The following MDGA2 variants were observed in gnomAD, a reference collection of about 807,000 sequenced individuals.
MDGA2 encodes the protein MAM domain containing glycosylphosphatidylinositol anchor 2.
In MDGA2, 40 loss-of-function variants were observed where a neutral mutation model predicts 117.8. The ratio of observed to expected loss-of-function variants is 0.34; its 90% CI spans 0.26 to 0.44. MDGA2 has a LOEUF of 0.44. Among genes scored for constraint, MDGA2 ranks in the 20% least tolerant of loss-of-function variants. The pLI, the probability that MDGA2 is intolerant of heterozygous loss-of-function variation, is 1.00. For synonymous variants in MDGA2, 452 were observed against 439.0 expected (o/e 1.03, Z -0.37); for missense variants, 1,123 against 1,250.6 (o/e 0.90, Z 1.54).
At chr14:47,107,515 C>T (rs1014026849) in intron 5 of MDGA2, among the ~76,000 whole-genome samples, 7 of 152,110 alleles carry the variant, frequency 4.6e-5, no homozygotes, top group African/African-American at 1.7e-4. Context: ...TGACATCCAT[C>T]AAGCTCAGCA....
intron 1 of MDGA2, among the ~76,000 whole-genome samples, chr14:47,557,192 CTG>C (rs1355128836): frequency 1.3e-5 from 2 of 152,152 alleles, no homozygotes; most frequent in African/African-American, 2.4e-5. Context: ...CCCAGAATGA[CTG>C]TGTTTCCTGG....
intron 8 of MDGA2, among the ~76,000 whole-genome samples, chr14:46,975,926 A>G (rs1422482466): frequency 2.0e-5 from 3 of 152,062 alleles, no homozygotes; most frequent in Non-Finnish European, 2.9e-5. Flanking sequence ...CACTAATCCG[A>G]TTCTTTACAG....
Position 46,840,212 on chromosome 14 carries a change from CACT to C in MDGA2, c.*1716_*1718del, listed in dbSNP as rs1231863669. 1 of 152,368 alleles carries C rather than the reference CACT, an allele frequency of 6.6e-6. No homozygotes were observed. Among genetic ancestry groups the C allele is most frequent in the African/African-American group, 2.4e-5 (1 of 41,380 alleles). 9.4% of individuals were successfully genotyped at this position (152,368 alleles called of 1,614,324 possible). A position where few individuals can be genotyped will look rare whatever the true frequency, so the allele number is the denominator to read the frequency against. On this transcript the variant is annotated 3_prime_UTR_variant, in exon 17 of 17. Coordinates refer to ENST00000399232, the MANE Select transcript of MDGA2 (RefSeq NM_001113498.3). ...TTAAAAAACAAGCTTTGTCATTTTC[CACT>C]ACATTTTGTTGTGCTTTTATATTAA...
chr14:46,864,430 C>A (rs1252482369), intron 14 of MDGA2, among the ~76,000 whole-genome samples: 1 of 150,192 alleles, frequency 6.7e-6, no homozygotes, highest in Non-Finnish European at 1.5e-5. Context: ...ATTTTAGTTC[C>A]TATAAGTCTG....
chr14:47,316,533 A>C (rs1161656864), intron 1 of MDGA2, among the ~76,000 whole-genome samples: 3 of 152,066 alleles, frequency 2.0e-5, no homozygotes, highest in Non-Finnish European at 4.4e-5. Context: ...TAACTTGTTT[A>C]ATTAAGTACT....
intron 2 of MDGA2, among the ~76,000 whole-genome samples, chr14:47,286,554 G>T (rs1167172496): frequency 6.6e-6 from 1 of 151,802 alleles, no homozygotes; most frequent in African/African-American, 2.4e-5. Context: ...AGCAAATGAT[G>T]TGACTTCATT....
chr14:47,483,559 G>A (rs1222742944), intron 1 of MDGA2, among the ~76,000 whole-genome samples: 23 of 152,110 alleles, frequency 1.5e-4, no homozygotes, highest in Admixed American at 1.5e-3. Flanking sequence ...ACAGAAAACT[G>A]CTCTAAATCC....
At position 46,842,617 on chromosome 14, in the gene MDGA2, A is replaced by G. The variant is rs113770776; in HGVS notation, c.2990-598T>C. ...AAATCCCTTCCACCAATCGGCCTGG[A>G]AAGTCCTACTGTAATTGGGATTTCT... On this transcript the variant is annotated intron_variant, in intron 16 of 16. Transcript: ENST00000399232. 1.6e-4 allele frequency among the ~76,000 whole-genome samples: 24 copies of G among 152,320 alleles called. 1 individual carries two copies. The highest frequency in any genetic ancestry group is 5.1e-4 in the African/African-American group (21 of 41,576).
chr14:47,544,055 T>A (rs1445226649), intron 1 of MDGA2, among the ~76,000 whole-genome samples: 1 of 152,218 alleles, frequency 6.6e-6, no homozygotes, highest in African/African-American at 2.4e-5. Flanking sequence ...AGAACGGGTC[T>A]TATAAAGTTC....
intron 2 of MDGA2, among the ~76,000 whole-genome samples, chr14:47,273,592 T>C (rs1888215634): frequency 2.6e-5 from 4 of 152,308 alleles, no homozygotes; most frequent in Admixed American, 2.0e-4. Flanking sequence ...TATGTAAATA[T>C]TGATTGTCTT....
chr14:46,905,503 C>T (rs1196769157), intron 10 of MDGA2, among the ~76,000 whole-genome samples: 3 of 152,036 alleles, frequency 2.0e-5, no homozygotes, highest in African/African-American at 7.2e-5. Context: ...TATGCATATG[C>T]ACAGTAAACA....
At chr14:47,422,244 C>T (rs1892594874) in intron 1 of MDGA2, among the ~76,000 whole-genome samples, 1 of 152,146 alleles carries the variant, frequency 6.6e-6, no homozygotes, top group Non-Finnish European at 1.5e-5. Context: ...TAAAAAGGAA[C>T]TATGAGTGCT....
chr14:47,113,672 C>A (rs1881167565), intron 5 of MDGA2, among the ~76,000 whole-genome samples: 1 of 152,032 alleles, frequency 6.6e-6, no homozygotes, highest in Non-Finnish European at 1.5e-5. Context: ...ATTATCTCAA[C>A]AGACACCAAA....
intron 3 of MDGA2, chr14:47,201,202 GT>G (rs1383065329): frequency 3.9e-5 from 22 of 568,080 alleles, no homozygotes; most frequent in Non-Finnish European, 5.6e-5. Context: ...TTTTCACGTG[GT>G]TTATAACCCC....
At chr14:47,606,550 G>A (rs1217585419) in intron 1 of MDGA2, among the ~76,000 whole-genome samples, 3 of 152,170 alleles carry the variant, frequency 2.0e-5, no homozygotes, top group Non-Finnish European at 4.4e-5. Context: ...CTGACTGTGT[G>A]TAGCAATCTT....
chr14:47,664,513 T>G (rs773557792), intron 1 of MDGA2, among the ~76,000 whole-genome samples: 13 of 152,190 alleles, frequency 8.5e-5, no homozygotes, highest in African/African-American at 1.2e-4. Flanking sequence ...CAGCCCACTC[T>G]CCTAAGAGTT....
intron 3 of MDGA2, among the ~76,000 whole-genome samples, chr14:47,181,482 T>G (rs532823871): frequency 6.6e-6 from 1 of 152,384 alleles, no homozygotes; most frequent in African/African-American, 2.4e-5. Context: ...TGCAGGGACA[T>G]GGATGAGGCT....
At chr14:47,655,756 C>G (rs1421165677) in intron 1 of MDGA2, among the ~76,000 whole-genome samples, 2 of 152,148 alleles carry the variant, frequency 1.3e-5, no homozygotes, top group Non-Finnish European at 2.9e-5. Context: ...ACAGTCCATG[C>G]TGGGAATACT....
At chr14:47,206,895 A>T (rs560538669) in intron 3 of MDGA2, among the ~76,000 whole-genome samples, 45 of 152,126 alleles carry the variant, frequency 3.0e-4, no homozygotes, top group African/African-American at 1.1e-3. Flanking sequence ...TGTCCTAAAA[A>T]ATGGAGAGAT....
Sources: gnomAD v4.1 joint callset for allele counts (sites outside exome capture counted in the v4.1 genomes callset) on GRCh38, gnomAD v4.1.1 for gene constraint, MANE v1.5 for transcripts, NCBI Gene and HGNC (gene_info 2026-07-23, HGNC 2026-07-21) for gene names.